Variants in TMIGD2 observed in about 807,000 individuals in gnomAD.
The protein encoded by TMIGD2 is transmembrane and immunoglobulin domain-containing protein 2.
In TMIGD2, 18 loss-of-function variants were observed where a neutral mutation model predicts 22.6. The ratio of observed to expected loss-of-function variants is 0.80; its 90% CI spans 0.55 to 1.18. The LOEUF is 1.18. TMIGD2 is among the 50% of genes most tolerant of loss of function. The pLI, the probability that TMIGD2 is intolerant of heterozygous loss-of-function variation, is 0.00. For synonymous variants in TMIGD2, 184 were observed against 154.1 expected (o/e 1.19, Z -1.44); for missense variants, 361 against 378.2 (o/e 0.95, Z 0.38).
At chr19:4,298,017 C>T (rs1485167397) in exon 2 of TMIGD2, 5 of 1,609,134 alleles carry the variant, frequency 3.1e-6, no homozygotes, top group African/African-American at 2.7e-5. Flanking sequence ...TTATGTTGCC[C>T]TCAGCCTCCT....
At chr19:4,294,945 G>C in intron 2 of TMIGD2, 129 bp from the exon 3 acceptor site, 2 of 919,328 alleles carry the variant, frequency 2.2e-6, no homozygotes, top group South Asian at 2.3e-5. Flanking sequence ...TGTTCACTCT[G>C]AACCTCTGTT....
chr19:4,297,880 A>T, intron 2 of TMIGD2, 106 bp downstream of exon 2: 60 of 1,285,682 alleles, frequency 4.7e-5, no homozygotes, highest in Non-Finnish European at 5.9e-5. Context: ...AAAAAGTTTG[A>T]TATGAAGAAT....
rs1162725891 is a variant in TMIGD2 at position 4,298,479 on chromosome 19, G to C, written c.47-134C>G. 5.2e-6 allele frequency: 7 copies of C among 1,339,364 alleles called. No homozygotes were observed. The African/African-American group carries it at 1.0e-4, about 20-fold the overall frequency. 83.0% of individuals were successfully genotyped at this position (1,339,364 alleles called of 1,614,324 possible). On this transcript the variant is annotated intron_variant, in intron 1 of 4. Coordinates refer to ENST00000301272, the Ensembl canonical transcript of TMIGD2. ...AAGACGGGTGCAGTGGCTCACGCCT[G>C]TAGTCCCAGCACTTTGGAAGCCCGA... is the stretch of plus-strand genomic sequence containing the variant.
chr19:4,293,977 G>A (rs1456251607), intron 4 of TMIGD2, among the ~76,000 whole-genome samples: 1 of 151,850 alleles, frequency 6.6e-6, no homozygotes, highest in Non-Finnish European at 1.5e-5. Context: ...GCCCAGGCTG[G>A]TCTCAAACTC....
rs1971434572 is a variant in TMIGD2, at chr19:4,294,620, G to A, written c.509C>T (p.Ala170Val). Residue 170 changes from alanine (A) to valine (V), a missense_variant, in exon 4 of 5, where the codon GCC becomes GTC. Transcript: ENST00000301272. The stretch of plus-strand genomic sequence containing the variant: ...GCAGCTGCGGCGGCCCCAGAACCAG[G>A]CACCCCACACGATCGCAGCCACACC... The A allele has an allele frequency of 6.2e-7, 1 of 1,609,818 alleles. No homozygotes were observed. The highest frequency in any genetic ancestry group is 8.5e-7 in the Non-Finnish European group (1 of 1,177,956).
intron 4 of TMIGD2, among the ~76,000 whole-genome samples, chr19:4,293,617 G>T (rs1319926053): frequency 6.7e-6 from 1 of 149,526 alleles, no homozygotes; most frequent in African/African-American, 2.5e-5. Context: ...TGTTTTTTGA[G>T]ACAGGGTCTC....
exon 5 of TMIGD2, chr19:4,292,701 G>A (rs779595682): frequency 1.2e-6 from 2 of 1,604,086 alleles, no homozygotes; most frequent in East Asian, 4.5e-5. Context: ...CGGGCCTGGG[G>A]CTGGGGCAGG....
intron 1 of TMIGD2, among the ~76,000 whole-genome samples, chr19:4,298,753 A>G (rs1372584537): frequency 6.6e-6 from 1 of 152,074 alleles, no homozygotes; most frequent in Admixed American, 6.6e-5. Context: ...TTAACATAAA[A>G]AAAAAACCAA....
intron 4 of TMIGD2, among the ~76,000 whole-genome samples, chr19:4,293,260 C>CAA (rs1555728420): frequency 1.2e-4 from 13 of 112,360 alleles, no homozygotes; most frequent in Middle Eastern, 6.7e-3. Flanking sequence ...CGCGCCCGGC[C>CAA]TTTTTTTTTT....
At chr19:4,297,894 G>T in intron 2 of TMIGD2, 92 bp downstream of exon 2, 6 of 1,392,942 alleles carry the variant, frequency 4.3e-6, no homozygotes, top group Non-Finnish European at 4.7e-6. Context: ...GAAGAATTTA[G>T]AGTTTTTTGT....
chr19:4,300,961 A>AGTTTTT (rs56121229), intron 1 of TMIGD2, among the ~76,000 whole-genome samples: 31,607 of 151,188 alleles, frequency 0.21, 3,485 homozygotes, highest in East Asian at 0.27. Flanking sequence ...GTCCAATTGA[A>AGTTTTT]GTTTTTGTTT....
Position 4,292,616 on chromosome 19 carries a change from T to G in TMIGD2, c.832A>C (p.Lys278Gln), listed in dbSNP as rs1312656667. 2.5e-6 allele frequency: 4 copies of G among 1,613,150 alleles called. No individual in the cohort carries two copies. The African/African-American group carries it at 5.3e-5, about 22-fold the overall frequency. Residue 278 changes from lysine (K) to glutamine (Q), a missense_variant, in exon 5 of 5, where the codon AAA becomes CAA. Coordinates refer to ENST00000301272, the Ensembl canonical transcript of TMIGD2. ...GGGATCTCTCACTCCTCTCCCACTTTGGGGAACCCTTTTGGCCTCGGCTGC... is the reference window on the plus strand; with the variant it reads ...GGGATCTCTCACTCCTCTCCCACTTGGGGGAACCCTTTTGGCCTCGGCTGC...
chr19:4,298,983 C>T (rs1971500048), intron 1 of TMIGD2, among the ~76,000 whole-genome samples: 1 of 152,100 alleles, frequency 6.6e-6, no homozygotes, highest in Non-Finnish European at 1.5e-5. Context: ...CCCTGCCCTT[C>T]AGAAGCTGAC....
chr19:4,294,570 G>A lies in TMIGD2; in HGVS notation c.559C>T (p.Pro187Ser), dbSNP rs1971433162. The change falls in exon 4 of 5, where the codon CCA becomes TCA. Residue 187 changes from proline to serine, a missense_variant. Pro to Ser is a moderately conservative substitution (Grantham distance 74, BLOSUM62 -1). Transcript: ENST00000301272. ...CCTCCGCCCTACCCTCCCTTACCTG[G>A]GCTGTTACCTGAGTCCCTTTGCTGG... The A allele has an allele frequency of 6.2e-7, 1 of 1,612,036 alleles. No individual in the cohort carries two copies. The highest frequency in any genetic ancestry group is 1.3e-5 in the African/African-American group (1 of 74,862).
chr19:4,296,419 C>T (rs571195918), intron 2 of TMIGD2, among the ~76,000 whole-genome samples: 23 of 152,280 alleles, frequency 1.5e-4, no homozygotes, highest in African/African-American at 5.1e-4. Flanking sequence ...CTGTGAATGC[C>T]GCAATTAAGA....
chr19:4,300,327 G>A (rs1388771662), intron 1 of TMIGD2, among the ~76,000 whole-genome samples: 1 of 151,298 alleles, frequency 6.6e-6, no homozygotes, highest in African/African-American at 2.4e-5. Context: ...GGGAGGCAGA[G>A]GCGGGCGGAT....
In TMIGD2 at chr19:4,293,368, C is replaced by A. The variant is rs181538050; in HGVS notation, c.563-483G>T. On this transcript the variant is annotated intron_variant, in intron 4 of 4. Coordinates refer to ENST00000301272, the Ensembl canonical transcript of TMIGD2. ...CTCCACCTCCCAGGTTCAAGTGATT[C>A]TCCTGCCTCAGTCTCCCTAGTAGCT... Among the ~76,000 whole-genome samples the A allele has an allele frequency of 7.6e-3, 1,121 of 147,346 alleles. 9 individuals carry two copies. Among genetic ancestry groups the A allele is most frequent in the Non-Finnish European group, 0.013 (852 of 67,478 alleles).
At chr19:4,292,516 C>A (rs765950132) in exon 5 of TMIGD2, 1 of 1,361,382 alleles carries the variant, frequency 7.3e-7, no homozygotes, top group South Asian at 1.2e-5. Context: ...GGATTACAGG[C>A]GTGAGCCACC....
chr19:4,302,132 T>C (rs575444314), intron 1 of TMIGD2, among the ~76,000 whole-genome samples: 1 of 151,860 alleles, frequency 6.6e-6, no homozygotes, highest in East Asian at 1.9e-4. Flanking sequence ...GGCTGGTATG[T>C]AGGGCAAGGT....
Sources: allele counts gnomAD v4.1 joint callset (sites outside exome capture counted in the v4.1 genomes callset), GRCh38; gene constraint gnomAD v4.1.1; transcripts MANE v1.5; gene names NCBI Gene and HGNC (gene_info 2026-07-23, HGNC 2026-07-21).